Variants in NHS observed in about 807,000 individuals in gnomAD.
The protein encoded by NHS is actin remodeling regulator NHS.
NHS carries 5 observed loss-of-function variants against 72.5 expected under a neutral mutation model. That is an observed-to-expected ratio of 0.07 (90% CI 0.04 to 0.14). The LOEUF is 0.14. Ranked by LOEUF, NHS falls within the 10% of genes least tolerant of loss-of-function variation. The pLI is 1.00. For missense variants in NHS, 1,072 were observed against 1,355.7 expected, an observed-to-expected ratio of 0.79 and a Z score of 3.29; for synonymous variants, 464 against 547.7, an observed-to-expected ratio of 0.85 and a Z score of 2.13.
At chrX:17,670,826 G>T (rs2066040007) in intron 1 of NHS, among the ~76,000 whole-genome samples, 1 of 111,923 alleles carries the variant, frequency 8.9e-6, no homozygotes, top group African/African-American at 3.3e-5. Context: ...ATTGCTGCAT[G>T]GGTTTGAGGG....
At chrX:17,538,783 C>T (rs1200920084) in intron 1 of NHS, among the ~76,000 whole-genome samples, 4 of 112,125 alleles carry the variant, frequency 3.6e-5, no homozygotes. Context: ...CCCAATGTTG[C>T]ACAGACAGAT....
intron 3 of NHS, among the ~76,000 whole-genome samples, chrX:17,710,143 C>G (rs1405336460): frequency 8.9e-6 from 1 of 112,276 alleles, no homozygotes; most frequent in African/African-American, 3.2e-5. Context: ...GAAATGTTTG[C>G]AAAGTCCCAG....
rs147730192 is a variant in NHS, at chrX:17,468,877, G to A, written c.565+92555G>A. On this transcript the variant is annotated intron_variant, in intron 1 of 8. Transcript: ENST00000676302. ...GCCTTAATACATTTTTTAAATTGAA[G>A]CATAACATACACATAGAAAACTGTA... 3.2e-4 allele frequency among the ~76,000 whole-genome samples: 36 copies of A among 111,270 alleles called. No homozygotes were observed. In the East Asian group the frequency reaches 9.0e-3, roughly 28 times the overall value.
At chrX:17,466,834 C>G (rs1369944529) in intron 1 of NHS, among the ~76,000 whole-genome samples, 2 of 111,646 alleles carry the variant, frequency 1.8e-5, no homozygotes, top group East Asian at 5.6e-4. Flanking sequence ...TGTTTGATCC[C>G]GTGATGTGAG....
chrX:17,514,142 C>T, intron 1 of NHS, among the ~76,000 whole-genome samples: 1 of 111,944 alleles, frequency 8.9e-6, no homozygotes, highest in East Asian at 2.8e-4. Context: ...TACCTCCCAC[C>T]AGGTCCCTCT....
chrX:17,607,713 A>T (rs2065688113), intron 1 of NHS, among the ~76,000 whole-genome samples: 1 of 111,163 alleles, frequency 9.0e-6, no homozygotes, highest in Admixed American at 9.6e-5. Context: ...TGAGCATTTG[A>T]AATGTGGCTA....
chrX:17,528,186 TGAG>T (rs1015105668), intron 1 of NHS, among the ~76,000 whole-genome samples: 23 of 111,561 alleles, frequency 2.1e-4, no homozygotes, highest in African/African-American at 7.5e-4. Context: ...GGGCATCTGG[TGAG>T]GAGAAGTGAA....
intron 1 of NHS, among the ~76,000 whole-genome samples, chrX:17,470,032 A>G (rs535261660): frequency 9.0e-6 from 1 of 111,403 alleles, no homozygotes; most frequent in Admixed American, 9.6e-5. Flanking sequence ...AGGGGCAAGC[A>G]GGCCTACACA....
At chrX:17,591,948 C>A (rs1259421695) in intron 1 of NHS, among the ~76,000 whole-genome samples, 1 of 111,152 alleles carries the variant, frequency 9.0e-6, no homozygotes, top group Non-Finnish European at 1.9e-5. Flanking sequence ...CCTGGATAGT[C>A]TTGTGTTTCT....
chrX:17,600,387 G>C (rs2065643765), intron 1 of NHS, among the ~76,000 whole-genome samples: 1 of 111,585 alleles, frequency 9.0e-6, no homozygotes, highest in Non-Finnish European at 1.9e-5. Flanking sequence ...AGGACAGCAA[G>C]AAGAGATCAG....
At chrX:17,550,434 C>G (rs1251925811) in intron 1 of NHS, among the ~76,000 whole-genome samples, 1 of 112,231 alleles carries the variant, frequency 8.9e-6, no homozygotes, top group Non-Finnish European at 1.9e-5. Flanking sequence ...CAGGATGTAG[C>G]CAAGGGTGCC....
In NHS at chrX:17,494,650, C is replaced by T. The variant is rs781223979; in HGVS notation, c.565+118328C>T. On this transcript the variant is annotated intron_variant, in intron 1 of 8. Coordinates refer to ENST00000676302, the MANE Select transcript of NHS (RefSeq NM_001291867.2). ...CTCCCTATGGGGCATCACAGACCCT[C>T]TTCCATAAGATCCTGCTCCCAGGCA... 4.5e-5 allele frequency among the ~76,000 whole-genome samples: 5 copies of T among 111,991 alleles called. No individual in the cohort carries two copies. The East Asian group carries it at 1.4e-3, about 32-fold the overall frequency.
intron 1 of NHS, among the ~76,000 whole-genome samples, chrX:17,520,614 A>C (rs1170310977): frequency 8.9e-6 from 1 of 112,132 alleles, no homozygotes; most frequent in African/African-American, 3.3e-5. Context: ...GAGACTGGAG[A>C]GAAGAAAATT....
chrX:17,401,145 A>G (rs2064501491), intron 1 of NHS, among the ~76,000 whole-genome samples: 1 of 112,245 alleles, frequency 8.9e-6, no homozygotes, highest in African/African-American at 3.2e-5. Flanking sequence ...GGGGGAAACA[A>G]TAGTCTTTTC....
intron 1 of NHS, among the ~76,000 whole-genome samples, chrX:17,398,938 A>G (rs113970337): frequency 0.028 from 3,075 of 111,492 alleles, 112 homozygotes; most frequent in African/African-American, 0.096. Context: ...GCTATCTACC[A>G]CAAGAATACT....
intron 1 of NHS, among the ~76,000 whole-genome samples, chrX:17,428,810 C>T (rs761106541): frequency 9.0e-6 from 1 of 111,327 alleles, no homozygotes; most frequent in South Asian, 3.9e-4. Flanking sequence ...CTTTTTATCT[C>T]CTTGAATGCA....
intron 1 of NHS, among the ~76,000 whole-genome samples, chrX:17,614,011 AG>A (rs755910293): frequency 1.8e-5 from 2 of 112,506 alleles, no homozygotes; most frequent in South Asian, 7.3e-4. Context: ...GGGTAGGTAT[AG>A]GGGCATAGTG....
intron 1 of NHS, among the ~76,000 whole-genome samples, chrX:17,416,451 TTC>T (rs2064595615): frequency 8.9e-6 from 1 of 112,044 alleles, no homozygotes. Context: ...ATACCTTTTC[TTC>T]TCTTTTTCAC....
At chrX:17,445,050 T>G (rs1306025660) in intron 1 of NHS, among the ~76,000 whole-genome samples, 5 of 111,880 alleles carry the variant, frequency 4.5e-5, no homozygotes. Flanking sequence ...GCTTCCTTCC[T>G]GGTGCGTGTG....
Sources: gnomAD v4.1 joint callset for allele counts (sites outside exome capture counted in the v4.1 genomes callset) on GRCh38, gnomAD v4.1.1 for gene constraint, MANE v1.5 for transcripts, NCBI Gene and HGNC (gene_info 2026-07-23, HGNC 2026-07-21) for gene names.